COL13A1: variants seen among roughly 807,000 people sequenced by gnomAD.
The protein encoded by COL13A1 is collagen alpha-1(XIII) chain.
A neutral mutation model predicts 130.9 loss-of-function variants in COL13A1; 89 were observed. The observed-to-expected ratio is 0.68, with a 90% CI of 0.57 to 0.81. COL13A1 has a LOEUF of 0.81. COL13A1 is among the 30% of genes least tolerant of loss of function. The pLI is 0.00. For synonymous variants in COL13A1, 402 were observed against 341.6 expected (o/e 1.18, Z -1.95); for missense variants, 879 against 934.6 (o/e 0.94, Z 0.78).
At chr10:69,898,808 G>A (rs1422733284) in intron 14 of COL13A1, 46 bp downstream of exon 14, 1 of 1,488,816 alleles carries the variant, frequency 6.7e-7, no homozygotes, top group African/African-American at 1.4e-5. Flanking sequence ...TTCCCAAGGG[G>A]CCCGGCAAGC....
intron 38 of COL13A1, among the ~76,000 whole-genome samples, chr10:69,950,904 A>C (rs927713267): frequency 6.6e-6 from 1 of 152,200 alleles, no homozygotes; most frequent in Non-Finnish European, 1.5e-5. Flanking sequence ...GCTGGAGTGC[A>C]GTGGCACAAT....
Position 69,858,217 on chromosome 10 carries a change from G to C in COL13A1, c.365-9581G>C, listed in dbSNP as rs937949464. On this transcript the variant is annotated intron_variant, in intron 2 of 40. Transcript: ENST00000645393. ...CAGTGGGCAGTATCATATGCTTCTG[G>C]GATTGGATGCCATTATTTCTGACTT... Among the ~76,000 whole-genome samples, 8 of 152,072 alleles carry C rather than the reference G, an allele frequency of 5.3e-5. No individual in the cohort carries two copies. In the East Asian group the frequency reaches 1.5e-3, roughly 29 times the overall value.
chr10:69,897,381 G>A (rs772566841), intron 13 of COL13A1: 244 of 1,292,472 alleles, frequency 1.9e-4, no homozygotes, highest in Non-Finnish European at 2.5e-4. Context: ...AGGGAGAGGA[G>A]AGGGGTGGGG....
chr10:69,893,410 A>T (rs1345148667), intron 10 of COL13A1, among the ~76,000 whole-genome samples: 1 of 152,212 alleles, frequency 6.6e-6, no homozygotes, highest in Non-Finnish European at 1.5e-5. Context: ...GGAGTGCCAC[A>T]TGGATGGTCC....
At chr10:69,902,136 G>C (rs1038229275) in intron 14 of COL13A1, among the ~76,000 whole-genome samples, 5 of 152,144 alleles carry the variant, frequency 3.3e-5, no homozygotes, top group African/African-American at 1.2e-4. Flanking sequence ...GCTCAGCCAG[G>C]GTTCCCAGTG....
chr10:69,868,038 C>G (rs190768969), intron 3 of COL13A1, among the ~76,000 whole-genome samples: 2 of 150,108 alleles, frequency 1.3e-5, no homozygotes, highest in East Asian at 4.0e-4. Context: ...CAGGGCAAAG[C>G]AGGCCCCAAA....
chr10:69,901,510 G>A (rs766281925), intron 14 of COL13A1, among the ~76,000 whole-genome samples: 2 of 152,148 alleles, frequency 1.3e-5, no homozygotes, highest in Non-Finnish European at 2.9e-5. Flanking sequence ...TGTGTCATAG[G>A]GGCTTGCTGA....
intron 35 of COL13A1, among the ~76,000 whole-genome samples, chr10:69,942,878 C>G (rs10999031): frequency 6.6e-6 from 1 of 152,152 alleles, no homozygotes; most frequent in African/African-American, 2.4e-5. Flanking sequence ...GACAGAGTCT[C>G]GCTCTGTCAC....
rs758057340 is a variant in COL13A1 at position 69,958,715 on chromosome 10, G to A, written c.*14G>A. The A allele has an allele frequency of 4.3e-6, 7 of 1,613,756 alleles. No homozygotes were observed. On this transcript the variant is annotated 3_prime_UTR_variant, in exon 41 of 41. Coordinates refer to ENST00000645393, the MANE Select transcript of COL13A1 (RefSeq NM_001368882.1). ...GTTTTGCAGTGATGCCTCTAACCTTGGATTGGCCTGTGTGTGTGTTTGTAC... is the reference window on the plus strand; with the variant it reads ...GTTTTGCAGTGATGCCTCTAACCTTAGATTGGCCTGTGTGTGTGTTTGTAC...
At chr10:69,817,517 G>A (rs1042197863) in intron 1 of COL13A1, among the ~76,000 whole-genome samples, 33 of 151,958 alleles carry the variant, frequency 2.2e-4, no homozygotes, top group Non-Finnish European at 4.4e-4. Context: ...ATGATTGCTG[G>A]GCTTCCGTTT....
At chr10:69,803,086 C>T (rs1840504786) in intron 1 of COL13A1, among the ~76,000 whole-genome samples, 1 of 152,202 alleles carries the variant, frequency 6.6e-6, no homozygotes, top group African/African-American at 2.4e-5. Flanking sequence ...GCCCCGCGCC[C>T]GCGCAGCGGC....
At chr10:69,860,621 G>A (rs1857749976) in intron 2 of COL13A1, 1 of 171,696 alleles carries the variant, frequency 5.8e-6, no homozygotes. Context: ...GCCATCTTCT[G>A]TCGGGTTGTC....
chr10:69,833,184 C>T (rs1395266750), intron 2 of COL13A1, among the ~76,000 whole-genome samples: 1 of 152,214 alleles, frequency 6.6e-6, no homozygotes, highest in Non-Finnish European at 1.5e-5. Flanking sequence ...GTATCACACC[C>T]TCACCCATCA....
intron 2 of COL13A1, among the ~76,000 whole-genome samples, chr10:69,825,830 G>A (rs915329038): frequency 6.6e-6 from 1 of 152,146 alleles, no homozygotes; most frequent in African/African-American, 2.4e-5. Context: ...CATCCTCCTG[G>A]GATCCTCCCT....
intron 7 of COL13A1, among the ~76,000 whole-genome samples, chr10:69,886,861 T>A (rs36101986): frequency 0.11 from 16,722 of 152,226 alleles, 965 homozygotes; most frequent in Middle Eastern, 0.25. Context: ...ACTCTGCACC[T>A]CCAGGAAAAT....
intron 2 of COL13A1, among the ~76,000 whole-genome samples, chr10:69,832,417 T>C (rs1055285609): frequency 6.6e-6 from 1 of 152,208 alleles, no homozygotes; most frequent in Non-Finnish European, 1.5e-5. Flanking sequence ...ATCTCTTACA[T>C]GTAAATAAGG....
chr10:69,808,886 T>G (rs916406898), intron 1 of COL13A1, among the ~76,000 whole-genome samples: 1 of 152,204 alleles, frequency 6.6e-6, no homozygotes, highest in Non-Finnish European at 1.5e-5. Flanking sequence ...CAGGGGGTGT[T>G]TCTCAGCAAC....
intron 14 of COL13A1, among the ~76,000 whole-genome samples, chr10:69,899,277 G>A (rs1324114657): frequency 6.6e-6 from 1 of 152,176 alleles, no homozygotes; most frequent in Non-Finnish European, 1.5e-5. Context: ...TATTTCACAG[G>A]GTTGTTGTTG....
rs1233496021 is a variant in COL13A1 at position 69,958,741 on chromosome 10, A to G, written c.*40A>G. 6.8e-6 allele frequency: 11 copies of G among 1,612,364 alleles called. No homozygotes were observed. The highest frequency in any genetic ancestry group is 8.5e-6 in the Non-Finnish European group (10 of 1,179,454). ...GATTGGCCTGTGTGTGTGTTTGTAC[A>G]TAGAATATTTATTTTTATACAGTTT... On this transcript the variant is annotated 3_prime_UTR_variant, in exon 41 of 41. Coordinates refer to ENST00000645393, the MANE Select transcript of COL13A1 (RefSeq NM_001368882.1).
Sources: allele counts gnomAD v4.1 joint callset (sites outside exome capture counted in the v4.1 genomes callset), GRCh38; gene constraint gnomAD v4.1.1; transcripts MANE v1.5; gene names NCBI Gene and HGNC (gene_info 2026-07-23, HGNC 2026-07-21).